Variants in PTPRM observed in about 807,000 individuals in gnomAD.
PTPRM encodes receptor-type tyrosine-protein phosphatase mu.
PTPRM carries 47 observed loss-of-function variants against 186.7 expected under a neutral mutation model. The ratio of observed to expected loss-of-function variants is 0.25; its 90% CI spans 0.20 to 0.32. The LOEUF (loss-of-function observed/expected upper bound fraction) is 0.32, where lower values mean the gene tolerates loss of function less well. PTPRM is among the 10% of genes least tolerant of loss of function. The pLI is 1.00. For synonymous variants in PTPRM, 668 were observed against 674.9 expected (o/e 0.99, Z 0.16); for missense variants, 1,494 against 1,865.0 (o/e 0.80, Z 3.66).
chr18:8,232,747 G>A (rs1218308150), intron 14 of PTPRM, among the ~76,000 whole-genome samples: 2 of 152,122 alleles, frequency 1.3e-5, no homozygotes, highest in South Asian at 2.1e-4. Context: ...AGCTCCCCAC[G>A]ACCCTATATT....
intron 6 of PTPRM, among the ~76,000 whole-genome samples, chr18:7,952,688 CAA>C (rs759055250): frequency 2.8e-4 from 26 of 93,838 alleles, no homozygotes; most frequent in Admixed American, 2.5e-4. Flanking sequence ...GACTCCATCT[CAA>C]AAAAAAAAAA....
rs116420915 is a variant in PTPRM, at chr18:7,908,507, C to G, written c.547+1924C>G. Among the ~76,000 whole-genome samples, 726 of 152,226 alleles carry G rather than the reference C, an allele frequency of 4.8e-3. 2 individuals carry two copies. Among genetic ancestry groups the G allele is most frequent in the African/African-American group, 0.017 (694 of 41,514 alleles). The stretch of plus-strand genomic sequence containing the variant: ...ATAGAGAAGACCTGTGTGGTTGTTA[C>G]CTGATGAATGTATCATGACACAGGT... On this transcript the variant is annotated intron_variant, in intron 4 of 32. Transcript: ENST00000580170.
chr18:7,857,653 A>T lies in PTPRM; in HGVS notation c.197-30453A>T, dbSNP rs532399109. 2.0e-5 allele frequency among the ~76,000 whole-genome samples: 3 copies of T among 152,214 alleles called. No individual in the cohort carries two copies. In the East Asian group the frequency reaches 5.8e-4, roughly 29 times the overall value. On this transcript the variant is annotated intron_variant, in intron 2 of 32. Transcript: ENST00000580170. Reference sequence around the variant, plus strand: ...CATGGTACAGGTATCCTCACTCCTCAGGGCCATTCATCCATCCTGCATCCA... The same window carrying T: ...CATGGTACAGGTATCCTCACTCCTCTGGGCCATTCATCCATCCTGCATCCA...
intron 2 of PTPRM, among the ~76,000 whole-genome samples, chr18:7,821,901 A>T (rs1299027500): frequency 6.6e-6 from 1 of 152,228 alleles, no homozygotes. Context: ...AACAATGCAC[A>T]GCTTGAAACT....
In PTPRM at chr18:8,387,064, C is replaced by T; in HGVS notation, c.4045-8C>T. 3.8e-6 allele frequency: 6 copies of T among 1,594,546 alleles called. No individual in the cohort carries two copies. The highest frequency in any genetic ancestry group is 5.2e-6 in the Non-Finnish European group (6 of 1,162,920). ...TCCACTCCCCGATTGTTGCCTTGTT[C>T]TTCGTAGCCCCAAGATGGATATCGG... On this transcript the variant is annotated splice_region_variant and splice_polypyrimidine_tract_variant and intron_variant, in intron 30 of 32. Transcript: ENST00000580170.
At position 8,247,891 on chromosome 18, in the gene PTPRM, C is replaced by A; in HGVS notation, c.2499C>A (p.Ser833Arg). 1 of 1,604,060 alleles carries A rather than the reference C, an allele frequency of 6.2e-7. No individual in the cohort carries two copies. The highest frequency in any genetic ancestry group is 8.5e-7 in the Non-Finnish European group (1 of 1,170,890). Reference protein sequence around the residue: ...SSFTMKTNTLSTSVPNSYYPD... With the variant: ...SSFTMKTNTLRTSVPNSYYPD... ...TCACAATGAAAACAAATACACTGAGCACATCGGTGCCTAATTCCTATTACC... is the reference window on the plus strand; with the variant it reads ...TCACAATGAAAACAAATACACTGAGAACATCGGTGCCTAATTCCTATTACC... Residue 833 changes from serine (S) to arginine (R), a missense_variant, in exon 16 of 33, where the codon AGC (serine) becomes AGA (arginine). By Grantham distance (110) the Ser-to-Arg change is moderately radical. Transcript: ENST00000580170.
chr18:7,658,539 A>T (rs935345693), intron 1 of PTPRM, among the ~76,000 whole-genome samples: 21 of 152,008 alleles, frequency 1.4e-4, no homozygotes, highest in African/African-American at 5.1e-4. Flanking sequence ...TAGGGGTTGC[A>T]TGTCTGATGC....
chr18:7,713,588 G>C (rs1365073085), intron 1 of PTPRM, among the ~76,000 whole-genome samples: 1 of 151,640 alleles, frequency 6.6e-6, no homozygotes, highest in East Asian at 1.9e-4. Flanking sequence ...ATTGGATAAA[G>C]AGTCAAGACC....
intron 1 of PTPRM, among the ~76,000 whole-genome samples, chr18:7,751,814 G>T (rs1336001094): frequency 6.6e-6 from 1 of 152,040 alleles, no homozygotes; most frequent in Non-Finnish European, 1.5e-5. Context: ...ACTCTCTAGG[G>T]CATGATTCTT....
chr18:8,276,316 C>T (rs188276207), intron 19 of PTPRM, among the ~76,000 whole-genome samples: 3 of 152,110 alleles, frequency 2.0e-5, no homozygotes, highest in African/African-American at 7.2e-5. Context: ...AAGTAGGAGG[C>T]CTTCAGTTCT....
At chr18:7,841,275 T>A (rs1704245734) in intron 2 of PTPRM, among the ~76,000 whole-genome samples, 3 of 144,094 alleles carry the variant, frequency 2.1e-5, no homozygotes, top group South Asian at 4.5e-4. Context: ...TTGGCTCAAA[T>A]CATTTCTTTT....
chr18:7,661,733 T>G (rs2144389663), intron 1 of PTPRM, among the ~76,000 whole-genome samples: 1 of 152,320 alleles, frequency 6.6e-6, no homozygotes, highest in Non-Finnish European at 1.5e-5. Flanking sequence ...TGCCAGAATA[T>G]AATACTTCCA....
At chr18:8,134,458 GT>G (rs1195006309) in intron 13 of PTPRM, among the ~76,000 whole-genome samples, 1 of 152,136 alleles carries the variant, frequency 6.6e-6, no homozygotes, top group African/African-American at 2.4e-5. Flanking sequence ...AATGACCCTA[GT>G]TCCTTTTATC....
At chr18:8,250,863 A>G (rs891321604) in intron 17 of PTPRM, among the ~76,000 whole-genome samples, 5 of 152,138 alleles carry the variant, frequency 3.3e-5, no homozygotes, top group African/African-American at 1.2e-4. Context: ...AATGACAAGT[A>G]ATATATTTTA....
chr18:7,596,180 G>T (rs1273011217), intron 1 of PTPRM, among the ~76,000 whole-genome samples: 1 of 152,134 alleles, frequency 6.6e-6, no homozygotes, highest in Non-Finnish European at 1.5e-5. Context: ...TTGAGCACAG[G>T]CACTGTCATA....
intron 26 of PTPRM, chr18:8,376,808 A>T (rs1425677392): frequency 2.2e-5 from 13 of 598,572 alleles, no homozygotes; most frequent in Non-Finnish European, 3.2e-5. Flanking sequence ...TTTTCCAGGT[A>T]ACAGAATCAA....
intron 1 of PTPRM, among the ~76,000 whole-genome samples, chr18:7,731,029 C>T (rs1263411136): frequency 6.6e-6 from 1 of 152,118 alleles, no homozygotes; most frequent in Non-Finnish European, 1.5e-5. Context: ...ATAATTTAAC[C>T]GATGAGAAAG....
intron 14 of PTPRM, among the ~76,000 whole-genome samples, chr18:8,154,212 A>G (rs2093071924): frequency 6.6e-6 from 1 of 152,176 alleles, no homozygotes; most frequent in Non-Finnish European, 1.5e-5. Context: ...AAGGAATGAG[A>G]GAGAGGGAAG....
intron 14 of PTPRM, among the ~76,000 whole-genome samples, chr18:8,210,260 G>C (rs979956894): frequency 2.6e-5 from 4 of 152,126 alleles, no homozygotes; most frequent in African/African-American, 9.7e-5. Flanking sequence ...GCCATGAGCA[G>C]AGATTGCACC....
Sources: gnomAD v4.1 joint callset for allele counts (sites outside exome capture counted in the v4.1 genomes callset) on GRCh38, gnomAD v4.1.1 for gene constraint, MANE v1.5 for transcripts, NCBI Gene and HGNC (gene_info 2026-07-23, HGNC 2026-07-21) for gene names.